KAZN: variants seen among roughly 807,000 people sequenced by gnomAD.
KAZN encodes kazrin, periplakin interacting protein.
Under a neutral mutation model 87.4 loss-of-function variants are expected in KAZN, and 40 were observed. That is an observed-to-expected ratio of 0.46 (90% CI 0.36 to 0.60). The LOEUF (loss-of-function observed/expected upper bound fraction) is 0.60. Among genes scored for constraint, KAZN ranks in the 20% least tolerant of loss-of-function variants. The pLI, the probability that KAZN is intolerant of heterozygous loss-of-function variation, is 0.00. For synonymous variants in KAZN, 466 were observed against 458.3 expected (o/e 1.02, Z -0.22); for missense variants, 898 against 1,073.9 (o/e 0.84, Z 2.29).
intron 2 of KAZN, among the ~76,000 whole-genome samples, chr1:14,988,279 C>T (rs1667019463): frequency 6.6e-6 from 1 of 152,240 alleles, no homozygotes; most frequent in African/African-American, 2.4e-5. Flanking sequence ...TCTTCCTCCT[C>T]CCGGGGCTTC....
chr1:14,292,448 G>A (rs1337884749), intron 2 of KAZN, among the ~76,000 whole-genome samples: 1 of 152,166 alleles, frequency 6.6e-6, no homozygotes, highest in Non-Finnish European at 1.5e-5. Context: ...CATGCAGGCT[G>A]GGAGGAGGGA....
At position 14,351,499 on chromosome 1, in the gene KAZN, C is replaced by A. The variant is rs370880683; in HGVS notation, c.249+170907C>A. ...GCTTGAACCCGGGAGGAGGAGGTTG[C>A]CGTGAGCTGAGATTGCACTACTGCA... On this transcript the variant is annotated intron_variant, in intron 2 of 16. Coordinates refer to the KAZN transcript ENST00000636203. Among the ~76,000 whole-genome samples, 50 of 152,288 alleles carry A rather than the reference C, an allele frequency of 3.3e-4. No homozygotes were observed. In the East Asian group the frequency reaches 9.1e-3, roughly 28 times the overall value.
chr1:14,338,615 T>TG (rs61309208), intron 2 of KAZN, among the ~76,000 whole-genome samples: 57,606 of 151,456 alleles, frequency 0.38, 12,073 homozygotes, highest in African/African-American at 0.56. Context: ...TGGAAGGAAA[T>TG]TTCCTTTTCT....
chr1:15,048,667 G>GTTGATC (rs1673888830), intron 4 of KAZN, among the ~76,000 whole-genome samples: 10 of 142,386 alleles, frequency 7.0e-5, no homozygotes, highest in African/African-American at 2.9e-4. Flanking sequence ...GTCCTGGGTC[G>GTTGATC]CTGGTCCTGG....
intron 1 of KAZN, among the ~76,000 whole-genome samples, chr1:14,661,038 C>T (rs1013815276): frequency 1.3e-5 from 2 of 152,112 alleles, no homozygotes; most frequent in Admixed American, 1.3e-4. Flanking sequence ...AGTAAGTGTT[C>T]GTTGAGCTTT....
At chr1:14,975,169 G>T (rs988528508) in intron 2 of KAZN, among the ~76,000 whole-genome samples, 1 of 152,224 alleles carries the variant, frequency 6.6e-6, no homozygotes, top group Non-Finnish European at 1.5e-5. Context: ...TCCTGGGTGA[G>T]GGAAAGAGCA....
chr1:14,791,102 C>A (rs1030535841), intron 1 of KAZN, among the ~76,000 whole-genome samples: 3 of 152,226 alleles, frequency 2.0e-5, no homozygotes, highest in Non-Finnish European at 4.4e-5. Flanking sequence ...TTGTGCTTAA[C>A]AGACAACCCT....
In KAZN at chr1:14,229,123, T is replaced by A. The variant is rs535214031; in HGVS notation, c.249+48531T>A. On this transcript the variant is annotated intron_variant, in intron 2 of 16. Coordinates refer to the KAZN transcript ENST00000636203. Reference sequence around the variant, plus strand: ...GATATTATAGGCTCTATTTTTATGATCTTTAAAAATGGGGAAAATAAAATT... The same window carrying A: ...GATATTATAGGCTCTATTTTTATGAACTTTAAAAATGGGGAAAATAAAATT... Among the ~76,000 whole-genome samples the A allele has an allele frequency of 2.0e-5, 3 of 152,330 alleles. No individual in the cohort carries two copies. In the East Asian group the frequency reaches 5.8e-4, roughly 29 times the overall value.
rs140255272 is a variant in KAZN at position 14,002,990 on chromosome 1, G to A, written c.91+109234G>A. The stretch of plus-strand genomic sequence containing the variant: ...CAATGATAGACTGAATAAAGAAAAT[G>A]TGGTACATATATGCCATGGAATACT... On this transcript the variant is annotated intron_variant, in intron 1 of 16. Transcript: ENST00000636203. Among the ~76,000 whole-genome samples the A allele has an allele frequency of 3.9e-3, 600 of 152,270 alleles. 4 individuals are homozygous for A. The highest frequency in any genetic ancestry group is 0.014 in the African/African-American group (567 of 41,542).
At chr1:14,391,994 G>A (rs753404894) in intron 2 of KAZN, among the ~76,000 whole-genome samples, 3 of 152,120 alleles carry the variant, frequency 2.0e-5, no homozygotes, top group Non-Finnish European at 2.9e-5. Flanking sequence ...AATCATGACT[G>A]GATAGCTGTG....
intron 1 of KAZN, among the ~76,000 whole-genome samples, chr1:13,943,701 C>T (rs1323420846): frequency 1.3e-5 from 2 of 151,944 alleles, no homozygotes; most frequent in Non-Finnish European, 2.9e-5. Context: ...TAAATATTCA[C>T]TGATTTTCTA....
intron 2 of KAZN, among the ~76,000 whole-genome samples, chr1:14,978,812 C>A (rs916167702): frequency 2.0e-5 from 3 of 152,094 alleles, no homozygotes; most frequent in African/African-American, 7.2e-5. Flanking sequence ...GACATAGCCG[C>A]CTCTGCTGCT....
At chr1:14,960,951 G>A in intron 2 of KAZN, 76 bp downstream of exon 2, 1 of 1,459,262 alleles carries the variant, frequency 6.9e-7, no homozygotes, top group Non-Finnish European at 9.2e-7. Flanking sequence ...CCATGCAGGG[G>A]AAGTGACGCA....
chr1:14,654,239 A>G (rs1638640896), intron 1 of KAZN, among the ~76,000 whole-genome samples: 1 of 148,090 alleles, frequency 6.8e-6, no homozygotes, highest in Admixed American at 6.8e-5. Flanking sequence ...GTGAGCCGGG[A>G]TCGTGCCATT....
chr1:14,732,403 C>T (rs963952584), intron 1 of KAZN, among the ~76,000 whole-genome samples: 90 of 152,274 alleles, frequency 5.9e-4, no homozygotes, highest in African/African-American at 2.1e-3. Flanking sequence ...CTTTGGGAGG[C>T]CGAGGCAGGT....
At chr1:13,989,485 G>C (rs569996742) in intron 1 of KAZN, among the ~76,000 whole-genome samples, 2 of 152,316 alleles carry the variant, frequency 1.3e-5, no homozygotes, top group Admixed American at 1.3e-4. Context: ...TGACCAAGTA[G>C]AGACCTCAGG....
chr1:14,549,455 GC>G (rs898184553), intron 2 of KAZN, among the ~76,000 whole-genome samples: 2 of 152,042 alleles, frequency 1.3e-5, no homozygotes, highest in African/African-American at 4.8e-5. Flanking sequence ...AAACTTCTGG[GC>G]CCCCCCTTAT....
At chr1:14,452,863 A>G (rs1294317581) in intron 2 of KAZN, among the ~76,000 whole-genome samples, 1 of 152,196 alleles carries the variant, frequency 6.6e-6, no homozygotes, top group Admixed American at 6.5e-5. Flanking sequence ...TCAAATGCAT[A>G]CAGGAGCCAG....
chr1:14,659,326 T>C (rs1365490733), intron 1 of KAZN, among the ~76,000 whole-genome samples: 1 of 152,178 alleles, frequency 6.6e-6, no homozygotes, highest in Non-Finnish European at 1.5e-5. Context: ...ATGGTGGAAT[T>C]AGAGATAGTT....
Sources: gnomAD v4.1 joint callset for allele counts (sites outside exome capture counted in the v4.1 genomes callset) on GRCh38, gnomAD v4.1.1 for gene constraint, MANE v1.5 for transcripts, NCBI Gene and HGNC (gene_info 2026-07-23, HGNC 2026-07-21) for gene names.